Variants in AGO4 observed in about 807,000 individuals in gnomAD.
AGO4 encodes protein argonaute-4.
Under a neutral mutation model 104.7 loss-of-function variants are expected in AGO4, and 33 were observed. The ratio of observed to expected loss-of-function variants is 0.32; its 90% CI spans 0.24 to 0.42. The LOEUF is 0.42. AGO4 is among the 10% of genes least tolerant of loss of function. The probability of loss-of-function intolerance (pLI) is 1.00; values close to 1 mark genes in which losing one functional copy is unlikely to be tolerated. For missense variants in AGO4, 711 were observed against 1,083.4 expected, an observed-to-expected ratio of 0.66 and a Z score of 4.83; for synonymous variants, 331 against 364.7, an observed-to-expected ratio of 0.91 and a Z score of 1.05.
rs1190022073 is a variant in AGO4, at chr1:35,808,252, G to C, written c.-165G>C. 1.1e-5 allele frequency: 2 copies of C among 175,454 alleles called. No individual in the cohort carries two copies. Among genetic ancestry groups the C allele is most frequent in the African/African-American group, 4.8e-5 (2 of 41,254 alleles). The allele number at this position is 175,454 out of a possible 1,614,324, so 10.9% of individuals were successfully genotyped here. On this transcript the variant is annotated 5_prime_UTR_variant, in exon 1 of 18. Coordinates refer to ENST00000373210, the MANE Select transcript of AGO4 (RefSeq NM_017629.4). The surrounding 1 kb of genome is among the most constrained non-coding windows in gnomAD (Gnocchi z 5.2). ...GAGCCGGAGCCGGGTCCCTGTCCCC[G>C]GGCCGGGCGCCGCCGCCGCCCCCTG...
chr1:35,811,347 C>T, intron 1 of AGO4, among the ~76,000 whole-genome samples: 1 of 151,454 alleles, frequency 6.6e-6, no homozygotes, highest in South Asian at 2.1e-4. Context: ...GTGGTGTGCT[C>T]CTGTAGTCTG....
intron 1 of AGO4, among the ~76,000 whole-genome samples, chr1:35,809,029 CTGTG>C (rs1357791581): frequency 6.6e-6 from 1 of 152,200 alleles, no homozygotes; most frequent in African/African-American, 2.4e-5. Context: ...GTCACTCAGT[CTGTG>C]TGTTAGTCTC....
Position 35,826,795 on chromosome 1 carries a change from C to G in AGO4, c.808C>G (p.Arg270Gly), listed in dbSNP as rs749527480. The change falls in exon 7 of 18, where the codon CGA becomes GGA. Residue 270 changes from arginine to glycine, a missense_variant. This residue lies in a region of AGO4 where 308 missense variants were observed against 397.8 expected (regional missense o/e 0.77). Coordinates refer to ENST00000373210, the MANE Select transcript of AGO4 (RefSeq NM_017629.4). ...THCGQMKRKY[R>G]VCNVTRRPAS... ...CTGTGGACAGATGAAACGAAAATAC[C>G]GAGTTTGTAATGTGACTAGACGGCC... The G allele has an allele frequency of 6.2e-7, 1 of 1,614,086 alleles. No homozygotes were observed. Among genetic ancestry groups the G allele is most frequent in the Admixed American group, 1.7e-5 (1 of 59,998 alleles).
chr1:35,838,106 A>G (rs1450066959), intron 13 of AGO4, among the ~76,000 whole-genome samples: 1 of 151,974 alleles, frequency 6.6e-6, no homozygotes, highest in Non-Finnish European at 1.5e-5. Context: ...AGGCTGCAGT[A>G]CAGTGATGCA....
intron 15 of AGO4, among the ~76,000 whole-genome samples, chr1:35,842,284 T>C (rs886578211): frequency 6.6e-6 from 1 of 152,058 alleles, no homozygotes; most frequent in African/African-American, 2.4e-5. Flanking sequence ...TCAGCAGTGG[T>C]GGAACAGTTT....
chr1:35,838,900 C>T (rs868619676), intron 13 of AGO4, among the ~76,000 whole-genome samples: 24 of 151,920 alleles, frequency 1.6e-4, no homozygotes, highest in African/African-American at 3.9e-4. Context: ...CTTGCTCTTA[C>T]GCAATCATAT....
chr1:35,834,149 C>G lies in AGO4; in HGVS notation c.1539C>G (p.Ile513Met), dbSNP rs952962958. 6.2e-7 allele frequency: 1 copy of G among 1,601,844 alleles called. No homozygotes were observed. Among genetic ancestry groups the G allele is most frequent in the African/African-American group, 1.3e-5 (1 of 74,346 alleles). The change falls in exon 12 of 18, where the codon ATC (isoleucine) becomes ATG (methionine). Residue 513 changes from isoleucine to methionine, a missense_variant. By Grantham distance (10) the Ile-to-Met change is conservative (BLOSUM62 1). Transcript: ENST00000373210. The stretch of plus-strand genomic sequence containing the variant: ...TGGGCCTACAGCTAATAGTGGTTAT[C>G]CTGCCTGGAAAGACACCAGTATATG... Reference protein sequence around the residue: ...TYVGLQLIVVILPGKTPVYAE... With the variant: ...TYVGLQLIVVMLPGKTPVYAE...
At chr1:35,832,016 A>C in intron 9 of AGO4, 41 bp from the exon 10 acceptor site, 1 of 1,605,564 alleles carries the variant, frequency 6.2e-7, no homozygotes, top group Non-Finnish European at 8.5e-7. Flanking sequence ...GGACACAGTT[A>C]CTCTCTGGTT....
At position 35,841,799 on chromosome 1, in the gene AGO4, T is replaced by A. The variant is rs766631904; in HGVS notation, c.2175+49T>A. ...TGTTATCTGAGGCTCTGGCAAGAGA[T>A]GTATATATGCACATATATATATATA... On this transcript the variant is annotated intron_variant, in intron 15 of 17. Coordinates refer to ENST00000373210, the MANE Select transcript of AGO4 (RefSeq NM_017629.4). The surrounding 1 kb of genome is among the most constrained non-coding windows in gnomAD (Gnocchi z 4.7). 8.6e-5 allele frequency: 123 copies of A among 1,436,130 alleles called. No homozygotes were observed. The highest frequency in any genetic ancestry group is 1.1e-4 in the Non-Finnish European group (118 of 1,054,144). 89.0% of individuals were successfully genotyped at this position (1,436,130 alleles called of 1,614,324 possible). A position where few individuals can be genotyped will look rare whatever the true frequency, so the allele number is the denominator to read the frequency against.
At chr1:35,812,828 G>A (rs1232150954) in intron 1 of AGO4, among the ~76,000 whole-genome samples, 1 of 152,006 alleles carries the variant, frequency 6.6e-6, no homozygotes, top group Non-Finnish European at 1.5e-5. Context: ...CTGACCTCAG[G>A]TGATCTGCCC....
rs1483382524 is a variant in AGO4, at chr1:35,847,433, C to T, written c.2176-2724C>T. On this transcript the variant is annotated intron_variant, in intron 15 of 17. Coordinates refer to ENST00000373210, the MANE Select transcript of AGO4 (RefSeq NM_017629.4). Reference sequence around the variant, plus strand: ...ATTTTTAGTAGAGATGGAGTTTCACCATGTTGGCCAGGCTGGTCTTGAACT... The same window carrying T: ...ATTTTTAGTAGAGATGGAGTTTCACTATGTTGGCCAGGCTGGTCTTGAACT... Among the ~76,000 whole-genome samples, 3 of 152,014 alleles carry T rather than the reference C, an allele frequency of 2.0e-5. No individual in the cohort carries two copies. In the East Asian group the frequency reaches 5.8e-4, roughly 29 times the overall value.
chr1:35,818,736 G>GGAGT (rs1643812565), intron 2 of AGO4, among the ~76,000 whole-genome samples: 1 of 151,772 alleles, frequency 6.6e-6, no homozygotes, highest in Non-Finnish European at 1.5e-5. Context: ...CTGGATTGCT[G>GGAGT]GAGTGAGTGA....
chr1:35,826,937 C>T (rs764163528), intron 7 of AGO4, 102 bp downstream of exon 7: 6 of 1,208,892 alleles, frequency 5.0e-6, no homozygotes, highest in Non-Finnish European at 5.8e-6. Flanking sequence ...CACAGTGGCT[C>T]ACACCTGTAA....
Sources: allele counts gnomAD v4.1 joint callset (sites outside exome capture counted in the v4.1 genomes callset), GRCh38; gene constraint gnomAD v4.1.1; regional missense constraint gnomAD v4.1.1; non-coding constraint Gnocchi (gnomAD v3.1); transcripts MANE v1.5; gene names NCBI Gene and HGNC (gene_info 2026-07-23, HGNC 2026-07-21).